Variants in XAF1 observed in about 807,000 individuals in gnomAD.
The protein encoded by XAF1 is XIAP-associated factor 1.
XAF1 carries 32 observed loss-of-function variants against 32.3 expected under a neutral mutation model. The observed-to-expected ratio is 0.99, with a 90% CI of 0.75 to 1.33. The LOEUF (loss-of-function observed/expected upper bound fraction) is 1.33, where lower values mean the gene tolerates loss of function less well. Ranked by LOEUF, XAF1 falls within the 40% of genes most tolerant of loss-of-function variation. The pLI is 0.00. For missense variants in XAF1, 379 were observed against 366.0 expected (o/e 1.04, Z -0.29); for synonymous variants, 120 against 125.9 (o/e 0.95, Z 0.31).
At chr17:6,768,164 C>T (rs1467547340) in intron 5 of XAF1, among the ~76,000 whole-genome samples, 1 of 151,020 alleles carries the variant, frequency 6.6e-6, no homozygotes, top group African/African-American at 2.4e-5. Flanking sequence ...CACTCTGTTG[C>T]CTGGGCTTGA....
At chr17:6,761,938 G>A (rs1378645522) in intron 4 of XAF1, 3 of 1,518,140 alleles carry the variant, frequency 2.0e-6, no homozygotes, top group African/African-American at 2.8e-5. Context: ...CTGCTGCCCT[G>A]AGTGCACATC....
chr17:6,765,306 G>A (rs1334250719), intron 5 of XAF1, among the ~76,000 whole-genome samples: 1 of 152,058 alleles, frequency 6.6e-6, no homozygotes, highest in African/African-American at 2.4e-5. Flanking sequence ...CCAGCTACTC[G>A]GGAGGCTGAG....
chr17:6,773,246 G>A lies in XAF1; in HGVS notation c.*77G>A. On this transcript the variant is annotated 3_prime_UTR_variant, in exon 7 of 7. Coordinates refer to ENST00000361842, the MANE Select transcript of XAF1 (RefSeq NM_017523.5). ...GGCATTCCTGCCTACTTGCTGTGGT[G>A]GTCTTGTGAAAGGTGATGGGTTTTA... 7.2e-7 allele frequency: 1 copy of A among 1,382,948 alleles called. No homozygotes were observed. Among genetic ancestry groups the A allele is most frequent in the Non-Finnish European group, 9.9e-7 (1 of 1,011,954 alleles). The allele number at this position is 1,382,948 out of a possible 1,614,324, so 85.7% of individuals were successfully genotyped here.
At chr17:6,770,614 A>C in intron 5 of XAF1, 29 bp from the exon 6 acceptor site, 1 of 1,520,706 alleles carries the variant, frequency 6.6e-7, no homozygotes, top group Non-Finnish European at 8.8e-7. Context: ...AAGTCATTTT[A>C]AAATTTGATA....
At chr17:6,755,843 T>C (rs112366084), upstream of XAF1, 166 of 1,356,056 alleles carry the variant, frequency 1.2e-4, 1 homozygote, top group African/African-American at 1.9e-3. Context: ...GGGAGGTAGA[T>C]GCGGCTGTGA....
At position 6,759,594 on chromosome 17, in the gene XAF1, G is replaced by C. The variant is rs574472057; in HGVS notation, c.169-68G>C. On this transcript the variant is annotated intron_variant, in intron 2 of 6. Transcript: ENST00000361842. The stretch of plus-strand genomic sequence containing the variant: ...GAACACTGTGAGCCAAAGTGGATGT[G>C]GGGCAGGCCCTGGGTGCTGGGTGGA... The C allele has an allele frequency of 2.1e-5, 34 of 1,603,574 alleles. No individual in the cohort carries two copies. The East Asian group carries it at 7.4e-4, about 35-fold the overall frequency.
chr17:6,762,357 C>G, intron 5 of XAF1, 117 bp downstream of exon 5: 1 of 858,020 alleles, frequency 1.2e-6, no homozygotes, highest in Non-Finnish European at 1.7e-6. Context: ...TTAAAGGGTC[C>G]CATATTTATT....
intron 6 of XAF1, 32 bp downstream of exon 6, chr17:6,771,016 TGG>T: frequency 6.2e-7 from 1 of 1,608,852 alleles, no homozygotes; most frequent in Non-Finnish European, 8.5e-7. Flanking sequence ...CTTACCTTTC[TGG>T]GAACCATCCG....
intron 5 of XAF1, among the ~76,000 whole-genome samples, chr17:6,763,191 G>T (rs1336113755): frequency 1.3e-5 from 2 of 152,094 alleles, no homozygotes; most frequent in Non-Finnish European, 2.9e-5. Flanking sequence ...GTCTATTCTG[G>T]ACACTTCACA....
At position 6,761,473 on chromosome 17, in the gene XAF1, G is replaced by A. The variant is rs116224668; in HGVS notation, c.422-682G>A. On this transcript the variant is annotated intron_variant, in intron 4 of 6. Coordinates refer to ENST00000361842, the MANE Select transcript of XAF1 (RefSeq NM_017523.5). ...GAATCACTCACCTCTTTATGAGGGTGTATTTACTGTCACACAACCATCAGT... is the reference window on the plus strand; with the variant it reads ...GAATCACTCACCTCTTTATGAGGGTATATTTACTGTCACACAACCATCAGT... Among the ~76,000 whole-genome samples, 623 of 152,310 alleles carry A rather than the reference G, an allele frequency of 4.1e-3. 7 individuals are homozygous for A. The highest frequency in any genetic ancestry group is 0.014 in the African/African-American group (585 of 41,550).
Position 6,773,284 on chromosome 17 carries a change from T to A in XAF1, c.*115T>A. ...GTGATGGGTTTTATTCGTTGGGCTTTAAAAGAAAAGGTTTGGCAGAACTAA... is the reference window on the plus strand; with the variant it reads ...GTGATGGGTTTTATTCGTTGGGCTTAAAAAGAAAAGGTTTGGCAGAACTAA... On this transcript the variant is annotated 3_prime_UTR_variant, in exon 7 of 7. Transcript: ENST00000361842. 1 of 939,298 alleles carries A rather than the reference T, an allele frequency of 1.1e-6. No homozygotes were observed. The highest frequency in any genetic ancestry group is 1.5e-6 in the Non-Finnish European group (1 of 655,910). The allele number at this position is 939,298 out of a possible 1,614,324, so 58.2% of individuals were successfully genotyped here.
chr17:6,756,020 G>A, upstream of XAF1: 1 of 1,613,176 alleles, frequency 6.2e-7, no homozygotes, highest in Non-Finnish European at 8.5e-7. Flanking sequence ...AAAACTTTCA[G>A]TTTTGTTTCC....
At chr17:6,765,597 T>A (rs1975558024) in intron 5 of XAF1, among the ~76,000 whole-genome samples, 1 of 151,892 alleles carries the variant, frequency 6.6e-6, no homozygotes, top group Non-Finnish European at 1.5e-5. Flanking sequence ...TGAAATGGAA[T>A]CCTCTCTGCC....
chr17:6,756,019 A>G, upstream of XAF1: 1 of 1,613,018 alleles, frequency 6.2e-7, no homozygotes, highest in Non-Finnish European at 8.5e-7. Context: ...GAAAACTTTC[A>G]GTTTTGTTTC....
chr17:6,765,449 T>G (rs563730126), intron 5 of XAF1, among the ~76,000 whole-genome samples: 9 of 152,290 alleles, frequency 5.9e-5, no homozygotes, highest in Admixed American at 3.9e-4. Context: ...TAAAAATTTT[T>G]TAAAAAGCCA....
At chr17:6,764,198 T>A (rs1975424950) in intron 5 of XAF1, among the ~76,000 whole-genome samples, 1 of 152,230 alleles carries the variant, frequency 6.6e-6, no homozygotes, top group Non-Finnish European at 1.5e-5. Flanking sequence ...TATCTCCTTG[T>A]TCAGGAAAAG....
At chr17:6,763,393 T>C (rs768900012) in intron 5 of XAF1, among the ~76,000 whole-genome samples, 4 of 152,192 alleles carry the variant, frequency 2.6e-5, no homozygotes, top group Admixed American at 2.0e-4. Context: ...AGTGGCGTGA[T>C]CTCGGCTCAC....
In XAF1 at chr17:6,759,997, T is replaced by C. The variant is rs183594724; in HGVS notation, c.225+279T>C. The C allele has an allele frequency of 3.0e-5, 17 of 571,332 alleles. No homozygotes were observed. In the Admixed American group the frequency reaches 3.4e-4, roughly 12 times the overall value. 35.4% of individuals were successfully genotyped at this position (571,332 alleles called of 1,614,324 possible). ...CTGGCCCTTCTCATCTGCTTTCTCG[T>C]ATTGGCCCTAATTCCCTAGGGAGAT... On this transcript the variant is annotated intron_variant, in intron 3 of 6. Transcript: ENST00000361842.
rs1976352175 is a variant in XAF1, at chr17:6,775,355, T to G, written c.*2186T>G. 6.6e-6 allele frequency: 1 copy of G among 152,098 alleles called. No homozygotes were observed. Among genetic ancestry groups the G allele is most frequent in the Admixed American group, 6.5e-5 (1 of 15,270 alleles). 9.4% of individuals were successfully genotyped at this position (152,098 alleles called of 1,614,324 possible). On this transcript the variant is annotated 3_prime_UTR_variant, in exon 7 of 7. Coordinates refer to ENST00000361842, the MANE Select transcript of XAF1 (RefSeq NM_017523.5). ...GCTTTTTATCTGGATGATGAAATAA[T>G]CTGTACAACAAACCCTGGTGACATG...
Sources: gnomAD v4.1 joint callset for allele counts (sites outside exome capture counted in the v4.1 genomes callset) on GRCh38, gnomAD v4.1.1 for gene constraint, MANE v1.5 for transcripts, NCBI Gene and HGNC (gene_info 2026-07-23, HGNC 2026-07-21) for gene names.